EZR: variants seen among roughly 807,000 people sequenced by gnomAD.
EZR encodes cytovillin 2.
Under a neutral mutation model 74.8 loss-of-function variants are expected in EZR, and 40 were observed. The ratio of observed to expected loss-of-function variants is 0.53; its 90% CI spans 0.42 to 0.70. EZR has a LOEUF of 0.70. Among genes scored for constraint, EZR ranks in the 30% least tolerant of loss-of-function variants. The pLI is 0.00. For synonymous variants in EZR, 341 were observed against 283.3 expected, an observed-to-expected ratio of 1.20 and a Z score of -2.05; for missense variants, 678 against 755.8, an observed-to-expected ratio of 0.90 and a Z score of 1.21.
chr6:158,785,760 C>G (rs184637215), intron 4 of EZR, among the ~76,000 whole-genome samples, 177 bp from the exon 5 acceptor site: 3 of 152,182 alleles, frequency 2.0e-5, no homozygotes, highest in Non-Finnish European at 4.4e-5. Flanking sequence ...AAAGTGCTAC[C>G]ACAGGCCAGA....
intron 12 of EZR, among the ~76,000 whole-genome samples, chr6:158,768,026 T>C (rs866747885): frequency 2.6e-5 from 4 of 151,884 alleles, no homozygotes; most frequent in Non-Finnish European, 5.9e-5. Flanking sequence ...AACCAAAGTC[T>C]TCCGCTTGCA....
intron 7 of EZR, among the ~76,000 whole-genome samples, chr6:158,779,675 C>T (rs1406275003): frequency 2.6e-5 from 4 of 152,064 alleles, no homozygotes; most frequent in Non-Finnish European, 5.9e-5. Flanking sequence ...GTGATCCTCC[C>T]ACCTCAGCCT....
At chr6:158,799,581 TCTCA>T (rs1415784535) in intron 2 of EZR, among the ~76,000 whole-genome samples, 4 of 152,262 alleles carry the variant, frequency 2.6e-5, no homozygotes, top group Admixed American at 6.5e-5. Flanking sequence ...AATCCCCTTA[TCTCA>T]CTGTCTCCAT....
In EZR at chr6:158,766,665, C is replaced by CA; in HGVS notation, c.*248dup. 3.7e-6 allele frequency: 2 copies of CA among 546,702 alleles called. No individual in the cohort carries two copies. The highest frequency in any genetic ancestry group is 3.3e-6 in the Non-Finnish European group (1 of 306,346). 33.9% of individuals were successfully genotyped at this position (546,702 alleles called of 1,614,324 possible). On this transcript the variant is annotated 3_prime_UTR_variant, in exon 14 of 14. Transcript: ENST00000367075. ...TCCGTAATTCAATCAGTCCTGCTCC[C>CA]AGCACAACACAGGAGGTGATTCGAG... is the stretch of plus-strand genomic sequence containing the variant.
chr6:158,769,292 T>C, intron 12 of EZR, 34 bp downstream of exon 12: 1 of 1,590,790 alleles, frequency 6.3e-7, no homozygotes, highest in Non-Finnish European at 8.6e-7. Flanking sequence ...ACAGGTGCTG[T>C]GGCCGTGCGG....
intron 7 of EZR, 78 bp downstream of exon 7, chr6:158,783,442 C>A: frequency 1.5e-6 from 2 of 1,359,422 alleles, no homozygotes; most frequent in Non-Finnish European, 2.0e-6. Context: ...TCAAAAATAA[C>A]CCACAAATTT....
At chr6:158,800,842 T>C (rs1308705881) in intron 2 of EZR, among the ~76,000 whole-genome samples, 1 of 152,210 alleles carries the variant, frequency 6.6e-6, no homozygotes, top group Non-Finnish European at 1.5e-5. Context: ...TCCTGAGGCA[T>C]ATCTGCAAAT....
At chr6:158,797,302 T>C (rs1448743480) in intron 2 of EZR, among the ~76,000 whole-genome samples, 1 of 152,160 alleles carries the variant, frequency 6.6e-6, no homozygotes, top group Non-Finnish European at 1.5e-5. Context: ...GAAAAAAGTT[T>C]GCAATAATTT....
intron 2 of EZR, among the ~76,000 whole-genome samples, chr6:158,808,413 G>A (rs1187748147): frequency 3.3e-5 from 5 of 152,210 alleles, no homozygotes; most frequent in Non-Finnish European, 7.3e-5. Context: ...GTCAACAGAG[G>A]TCTAGCAAGA....
At chr6:158,788,996 ACT>A (rs1246407699) in intron 3 of EZR, among the ~76,000 whole-genome samples, 5 of 151,740 alleles carry the variant, frequency 3.3e-5, no homozygotes, top group African/African-American at 1.2e-4. Flanking sequence ...AAGCACAATA[ACT>A]CTCTTTTCAG....
At chr6:158,813,480 A>C (rs1777489813) in intron 2 of EZR, among the ~76,000 whole-genome samples, 1 of 152,228 alleles carries the variant, frequency 6.6e-6, no homozygotes, top group Non-Finnish European at 1.5e-5. Flanking sequence ...CAAATCACTC[A>C]TCCTACCAGC....
chr6:158,787,725 T>G (rs1791621467), intron 3 of EZR, among the ~76,000 whole-genome samples: 1 of 152,032 alleles, frequency 6.6e-6, no homozygotes, highest in Non-Finnish European at 1.5e-5. Context: ...AAAGAAATCC[T>G]AGGAAAGGCA....
At chr6:158,791,052 C>G (rs1424428371) in intron 2 of EZR, among the ~76,000 whole-genome samples, 1 of 152,202 alleles carries the variant, frequency 6.6e-6, no homozygotes, top group Non-Finnish European at 1.5e-5. Context: ...CCAAATGTCA[C>G]TTCCTACTTC....
At chr6:158,790,205 G>C (rs1791700308) in intron 2 of EZR, among the ~76,000 whole-genome samples, 1 of 152,160 alleles carries the variant, frequency 6.6e-6, no homozygotes. Flanking sequence ...AATTGCTTCT[G>C]AAATAAAAAA....
rs1256005055 is a variant in EZR, at chr6:158,769,241, C to T, written c.1344+85G>A. On this transcript the variant is annotated intron_variant, in intron 12 of 13. Coordinates refer to ENST00000367075, the MANE Select transcript of EZR (RefSeq NM_001111077.2). ...GCTTGAGCCAGACCTCTCCCCCAACCCACCCACCTGCAGAAGGGCCCCACC... is the reference window on the plus strand; with the variant it reads ...GCTTGAGCCAGACCTCTCCCCCAACTCACCCACCTGCAGAAGGGCCCCACC... 7 of 1,184,354 alleles carry T rather than the reference C, an allele frequency of 5.9e-6. No individual in the cohort carries two copies. In the African/African-American group the frequency reaches 9.0e-5, roughly 15 times the overall value. 73.4% of individuals were successfully genotyped at this position (1,184,354 alleles called of 1,614,324 possible). A position where few individuals can be genotyped will look rare whatever the true frequency, so the allele number is the denominator to read the frequency against.
intron 2 of EZR, among the ~76,000 whole-genome samples, chr6:158,800,242 T>C (rs1447865352): frequency 6.6e-6 from 1 of 152,200 alleles, no homozygotes; most frequent in Non-Finnish European, 1.5e-5. Flanking sequence ...AGTCTCTCTA[T>C]ATATATCATC....
At position 158,818,310 on chromosome 6, in the gene EZR, C is replaced by A. The variant is rs142552212; in HGVS notation, c.-73-144G>T. ...TGAGTCAGCGCCCCGCCCAGCACTG[C>A]GGGCATGGGGAGGGGGCACGGGCGG... On this transcript the variant is annotated intron_variant, in intron 1 of 13. Transcript: ENST00000367075. The A allele has an allele frequency of 7.5e-3, 2,318 of 307,260 alleles. 10 individuals are homozygous for A. Among genetic ancestry groups the A allele is most frequent in the Middle Eastern group, 0.023 (25 of 1,104 alleles). The allele number at this position is 307,260 out of a possible 1,614,324, so 19.0% of individuals were successfully genotyped here. A position where few individuals can be genotyped will look rare whatever the true frequency, so the allele number is the denominator to read the frequency against.
At chr6:158,784,505 C>A in intron 6 of EZR, 139 bp downstream of exon 6, 1 of 687,236 alleles carries the variant, frequency 1.5e-6, no homozygotes, top group South Asian at 2.2e-5. Context: ...CTAAGAAAAC[C>A]CCACTTTTAA....
Position 158,778,611 on chromosome 6 carries a change from G to A in EZR, c.699-2107C>T, listed in dbSNP as rs556261795. Among the ~76,000 whole-genome samples, 7 of 152,308 alleles carry A rather than the reference G, an allele frequency of 4.6e-5. No individual in the cohort carries two copies. The East Asian group carries it at 1.2e-3, about 25-fold the overall frequency. On this transcript the variant is annotated intron_variant, in intron 7 of 13. Coordinates refer to ENST00000367075, the MANE Select transcript of EZR (RefSeq NM_001111077.2). Reference sequence around the variant, plus strand: ...TGCTTAGGCCACACATTAAAAAAGCGTGATTCTCCAATAACAGGGACCAGA... The same window carrying A: ...TGCTTAGGCCACACATTAAAAAAGCATGATTCTCCAATAACAGGGACCAGA...
Sources: gnomAD v4.1 joint callset for allele counts (sites outside exome capture counted in the v4.1 genomes callset) on GRCh38, gnomAD v4.1.1 for gene constraint, MANE v1.5 for transcripts, NCBI Gene and HGNC (gene_info 2026-07-23, HGNC 2026-07-21) for gene names.